SYNPR: variants seen among roughly 807,000 people sequenced by gnomAD.
SYNPR encodes the protein synaptoporin.
SYNPR carries 23 observed loss-of-function variants against 32.9 expected under a neutral mutation model. The observed-to-expected ratio is 0.70, with a 90% CI of 0.50 to 0.99. The LOEUF (loss-of-function observed/expected upper bound fraction) is 0.99, where lower values mean the gene tolerates loss of function less well. Among genes scored for constraint, SYNPR ranks in the 50% least tolerant of loss-of-function variants. The probability of loss-of-function intolerance (pLI) is 0.00; values close to 1 mark genes in which losing one functional copy is unlikely to be tolerated. For synonymous variants in SYNPR, 146 were observed against 135.9 expected, an observed-to-expected ratio of 1.07 and a Z score of -0.52; for missense variants, 318 against 349.3, an observed-to-expected ratio of 0.91 and a Z score of 0.71.
intron 2 of SYNPR, among the ~76,000 whole-genome samples, chr3:63,331,540 G>A (rs1431036064): frequency 3.3e-5 from 5 of 151,932 alleles, no homozygotes; most frequent in African/African-American, 7.3e-5. Flanking sequence ...AAATGCTCAC[G>A]TATCTTTATA....
At chr3:63,361,055 A>G (rs939955908) in intron 2 of SYNPR, among the ~76,000 whole-genome samples, 1 of 152,258 alleles carries the variant, frequency 6.6e-6, no homozygotes, top group African/African-American at 2.4e-5. Context: ...TTATAATGTC[A>G]CTACTGAGGT....
intron 2 of SYNPR, among the ~76,000 whole-genome samples, chr3:63,363,816 A>G (rs2107039152): frequency 6.6e-6 from 1 of 152,322 alleles, no homozygotes; most frequent in South Asian, 2.1e-4. Flanking sequence ...GGTTACAGTG[A>G]AAGTGCTATA....
At chr3:63,346,436 A>C (rs1296892400) in intron 2 of SYNPR, among the ~76,000 whole-genome samples, 1 of 152,152 alleles carries the variant, frequency 6.6e-6, no homozygotes, top group African/African-American at 2.4e-5. Context: ...AAGTTGTACT[A>C]ATGAAAAGTA....
chr3:63,548,574 C>G (rs1214283940), intron 3 of SYNPR, among the ~76,000 whole-genome samples: 1 of 152,016 alleles, frequency 6.6e-6, no homozygotes, highest in Admixed American at 6.6e-5. Flanking sequence ...AATCTAAAAG[C>G]AGATAAGTGC....
At chr3:63,250,897 A>AT (rs149650661) in intron 1 of SYNPR, among the ~76,000 whole-genome samples, 10 of 152,070 alleles carry the variant, frequency 6.6e-5, no homozygotes, top group South Asian at 2.1e-4. Context: ...CATTATAAGT[A>AT]TTTTTTTGGC....
At chr3:63,563,134 T>C (rs991888206) in intron 4 of SYNPR, among the ~76,000 whole-genome samples, 36 of 152,176 alleles carry the variant, frequency 2.4e-4, no homozygotes, top group African/African-American at 8.4e-4. Flanking sequence ...GCTTTCACAG[T>C]TCTGTCTTCC....
chr3:63,555,928 AG>A (rs1484443574), intron 3 of SYNPR, among the ~76,000 whole-genome samples: 3 of 152,218 alleles, frequency 2.0e-5, no homozygotes, highest in African/African-American at 7.2e-5. Context: ...AAATGCCTAA[AG>A]GAAAGGAGCT....
intron 2 of SYNPR, among the ~76,000 whole-genome samples, chr3:63,322,477 T>C (rs2087121109): frequency 6.6e-6 from 1 of 152,082 alleles, no homozygotes; most frequent in Admixed American, 6.6e-5. Context: ...AGGGCTTAAA[T>C]CCAGGTTGGC....
chr3:63,220,663 G>A, the SYNPR span, among the ~76,000 whole-genome samples: 47 of 152,246 alleles, frequency 3.1e-4, no homozygotes, highest in African/African-American at 1.1e-3. Context: ...TCCCATGTCA[G>A]AATAAATCCA....
intron 3 of SYNPR, among the ~76,000 whole-genome samples, chr3:63,487,808 T>C (rs1007000339): frequency 1.3e-5 from 2 of 152,080 alleles, no homozygotes; most frequent in Non-Finnish European, 2.9e-5. Flanking sequence ...CCTTGGGAGG[T>C]TGGCATCGGT....
intron 3 of SYNPR, among the ~76,000 whole-genome samples, chr3:63,481,760 A>C (rs963339502): frequency 1.3e-5 from 2 of 152,080 alleles, no homozygotes; most frequent in African/African-American, 4.8e-5. Flanking sequence ...AAAGCTCTGG[A>C]CCAACCCATT....
chr3:63,424,053 T>G (rs759083638), intron 2 of SYNPR, among the ~76,000 whole-genome samples: 18 of 152,148 alleles, frequency 1.2e-4, no homozygotes, highest in Non-Finnish European at 1.5e-4. Context: ...TTGAGTAAGA[T>G]TCTAAAACAG....
rs567836647 is a variant in SYNPR at position 63,404,616 on chromosome 3, A to G, written c.85-76216A>G. Among the ~76,000 whole-genome samples, 14 of 152,242 alleles carry G rather than the reference A, an allele frequency of 9.2e-5. No individual in the cohort carries two copies. In the South Asian group the frequency reaches 2.3e-3, roughly 25 times the overall value. ...TAATTACATGCTTTTTATTCACTAC[A>G]GAGACCCCTGTGCTTCAAATAACTT... On this transcript the variant is annotated intron_variant, in intron 2 of 5. Coordinates refer to ENST00000478300, the MANE Select transcript of SYNPR (RefSeq NM_001130003.2).
chr3:63,351,980 A>C (rs1049693390), intron 2 of SYNPR, among the ~76,000 whole-genome samples: 1 of 152,166 alleles, frequency 6.6e-6, no homozygotes, highest in Non-Finnish European at 1.5e-5. Context: ...CTGTGGGGCA[A>C]TGTGGGATGG....
intron 2 of SYNPR, among the ~76,000 whole-genome samples, chr3:63,280,456 A>G (rs2086617866): frequency 6.6e-6 from 1 of 151,964 alleles, no homozygotes; most frequent in African/African-American, 2.4e-5. Flanking sequence ...AGCCCCTTTT[A>G]CCTCAGTGCC....
chr3:63,407,119 G>T (rs914863848), intron 2 of SYNPR, among the ~76,000 whole-genome samples: 15 of 152,158 alleles, frequency 9.9e-5, no homozygotes, highest in Non-Finnish European at 1.8e-4. Context: ...CATGTACCTG[G>T]TGGTGAAATT....
chr3:63,491,818 G>C (rs914767786), intron 3 of SYNPR, among the ~76,000 whole-genome samples: 4 of 152,180 alleles, frequency 2.6e-5, no homozygotes, highest in African/African-American at 9.7e-5. Context: ...ACCATGCCCG[G>C]CCTAAATGTG....
intron 2 of SYNPR, among the ~76,000 whole-genome samples, chr3:63,396,139 C>T (rs991686112): frequency 3.9e-5 from 6 of 152,194 alleles, no homozygotes; most frequent in African/African-American, 1.4e-4. Context: ...TACCCCTGCA[C>T]ATTGCATAGT....
intron 2 of SYNPR, among the ~76,000 whole-genome samples, chr3:63,377,003 A>G (rs939978737): frequency 2.6e-5 from 4 of 152,006 alleles, no homozygotes; most frequent in Non-Finnish European, 2.9e-5. Context: ...GCCTTACACT[A>G]ATTTCTCTCC....
Sources: gnomAD v4.1 joint callset for allele counts (sites outside exome capture counted in the v4.1 genomes callset) on GRCh38, gnomAD v4.1.1 for gene constraint, MANE v1.5 for transcripts, NCBI Gene and HGNC (gene_info 2026-07-23, HGNC 2026-07-21) for gene names.